NBAS: variants seen among roughly 807,000 people sequenced by gnomAD.
NBAS encodes the protein NBAS subunit of NRZ tethering complex.
A neutral mutation model predicts 302.5 loss-of-function variants in NBAS; 219 were observed. The ratio of observed to expected loss-of-function variants is 0.72; its 90% CI spans 0.65 to 0.81. NBAS has a LOEUF of 0.81. NBAS is among the 30% of genes least tolerant of loss of function. The pLI is 0.00. For missense variants in NBAS, 2,932 were observed against 2,841.6 expected (o/e 1.03, Z -0.72); for synonymous variants, 1,118 against 1,021.6 (o/e 1.09, Z -1.80).
intron 2 of NBAS, among the ~76,000 whole-genome samples, chr2:15,557,928 A>C (rs1291336810): frequency 1.3e-5 from 2 of 152,198 alleles, no homozygotes; most frequent in Non-Finnish European, 2.9e-5. Context: ...CTGGCTTATC[A>C]AATCTGTAAT....
chr2:15,378,393 G>A (rs1572747996), intron 30 of NBAS, among the ~76,000 whole-genome samples: 1 of 152,200 alleles, frequency 6.6e-6, no homozygotes, highest in Non-Finnish European at 1.5e-5. Context: ...AAAATGGCTA[G>A]TGGAAGAACA....
intron 1 of NBAS, 131 bp from the exon 2 acceptor site, chr2:15,558,765 T>A: frequency 1.4e-6 from 1 of 722,416 alleles, no homozygotes; most frequent in Non-Finnish European, 2.4e-6. Context: ...AGCAGTGTCT[T>A]AAAACTACTT....
intron 30 of NBAS, among the ~76,000 whole-genome samples, chr2:15,376,026 C>A (rs1304941134): frequency 1.3e-5 from 2 of 151,832 alleles, no homozygotes; most frequent in African/African-American, 4.8e-5. Flanking sequence ...CATAAGAAAC[C>A]GATATTTAAA....
chr2:14,822,743 G>A, the NBAS span, among the ~76,000 whole-genome samples: 6 of 152,182 alleles, frequency 3.9e-5, no homozygotes, highest in Admixed American at 3.9e-4. Context: ...ACATTTTAAG[G>A]ATAAAACCTG....
At chr2:14,875,584 C>T in the NBAS span, among the ~76,000 whole-genome samples, 1 of 151,852 alleles carries the variant, frequency 6.6e-6, no homozygotes, top group Non-Finnish European at 1.5e-5. Context: ...CCACTGCACT[C>T]CAGTCTGGGT....
the NBAS span, among the ~76,000 whole-genome samples, chr2:14,830,684 A>G: frequency 4.6e-3 from 700 of 152,318 alleles, 8 homozygotes; most frequent in African/African-American, 0.016. Context: ...GTGAGCGTGC[A>G]GCTGTGAGTA....
the NBAS span, among the ~76,000 whole-genome samples, chr2:14,961,931 C>T: frequency 2.0e-5 from 3 of 152,090 alleles, no homozygotes; most frequent in Non-Finnish European, 4.4e-5. Flanking sequence ...AGGTGCCCGC[C>T]ACCACACCCA....
intron 48 of NBAS, among the ~76,000 whole-genome samples, chr2:15,197,165 A>C (rs1044673250): frequency 3.3e-5 from 5 of 152,210 alleles, no homozygotes; most frequent in Non-Finnish European, 4.4e-5. Context: ...TCAATGCTAT[A>C]TATAAGAGCC....
the NBAS span, among the ~76,000 whole-genome samples, chr2:14,924,582 CAG>C: frequency 6.6e-6 from 1 of 152,242 alleles, no homozygotes; most frequent in Non-Finnish European, 1.5e-5. Flanking sequence ...AGTGTCCTCT[CAG>C]TTTCCTTGTG....
the NBAS span, among the ~76,000 whole-genome samples, chr2:14,995,262 C>T: frequency 1.2e-3 from 186 of 152,158 alleles, no homozygotes; most frequent in African/African-American, 4.2e-3. Flanking sequence ...TTTCTGTGTC[C>T]ATGTGTTCTC....
the NBAS span, among the ~76,000 whole-genome samples, chr2:15,135,816 T>G: frequency 1.3e-5 from 2 of 149,622 alleles, no homozygotes; most frequent in Admixed American, 1.3e-4. Context: ...GGAAAAAGAA[T>G]TGTCTTGGGC....
intron 8 of NBAS, 101 bp downstream of exon 8, chr2:15,536,317 A>G: frequency 1.4e-6 from 2 of 1,400,710 alleles, no homozygotes; most frequent in Middle Eastern, 2.1e-4. Context: ...GCAATTTTTC[A>G]TAATAGACAG....
chr2:14,802,615 A>G, the NBAS span, among the ~76,000 whole-genome samples: 2 of 151,162 alleles, frequency 1.3e-5, no homozygotes, highest in African/African-American at 4.9e-5. Flanking sequence ...CATTATTCAC[A>G]ATAGCAAAGA....
chr2:15,101,521 A>C, the NBAS span, among the ~76,000 whole-genome samples: 1 of 151,966 alleles, frequency 6.6e-6, no homozygotes, highest in Non-Finnish European at 1.5e-5. Flanking sequence ...AATAGATATA[A>C]ATTATAAATA....
At chr2:14,995,154 C>T in the NBAS span, among the ~76,000 whole-genome samples, 2 of 152,158 alleles carry the variant, frequency 1.3e-5, no homozygotes, top group African/African-American at 4.8e-5. Context: ...TGGTGTGCTG[C>T]ACCCATTAAC....
intron 50 of NBAS, among the ~76,000 whole-genome samples, chr2:15,180,580 C>A (rs1664773406): frequency 6.6e-6 from 1 of 152,212 alleles, no homozygotes; most frequent in Non-Finnish European, 1.5e-5. Context: ...CCTCTTCCTC[C>A]TCCTCTCGGG....
At chr2:15,357,802 G>A (rs1673697816) in intron 32 of NBAS, among the ~76,000 whole-genome samples, 2 of 152,018 alleles carry the variant, frequency 1.3e-5, no homozygotes, top group South Asian at 4.2e-4. Flanking sequence ...CATAGGAATG[G>A]GATATGGCTC....
chr2:14,903,887 G>C, the NBAS span, among the ~76,000 whole-genome samples: 1 of 152,120 alleles, frequency 6.6e-6, no homozygotes, highest in Non-Finnish European at 1.5e-5. Context: ...GCCTGAGGGT[G>C]GGGGGAGGCG....
chr2:14,912,262 T>A, the NBAS span, among the ~76,000 whole-genome samples: 1 of 152,328 alleles, frequency 6.6e-6, no homozygotes, highest in Admixed American at 6.5e-5. Context: ...ATTTGAAAAG[T>A]GCTTAGAAAG....
Sources: gnomAD v4.1 joint callset for allele counts (sites outside exome capture counted in the v4.1 genomes callset) on GRCh38, gnomAD v4.1.1 for gene constraint, MANE v1.5 for transcripts, NCBI Gene and HGNC (gene_info 2026-07-23, HGNC 2026-07-21) for gene names.